Variants in MX2 observed in about 807,000 individuals in gnomAD.
MX2 encodes interferon-induced GTP-binding protein Mx2.
A neutral mutation model predicts 74.0 loss-of-function variants in MX2; 51 were observed. The observed-to-expected ratio is 0.69, with a 90% CI of 0.55 to 0.87. The LOEUF (loss-of-function observed/expected upper bound fraction) is 0.87, where lower values mean the gene tolerates loss of function less well. MX2 is among the 40% of genes least tolerant of loss of function. The pLI is 0.00. For missense variants in MX2, 832 were observed against 908.7 expected (o/e 0.92, Z 1.09); for synonymous variants, 369 against 339.3 (o/e 1.09, Z -0.96).
intron 10 of MX2, among the ~76,000 whole-genome samples, chr21:41,400,598 TAG>T: frequency 1.3e-5 from 1 of 75,326 alleles, no homozygotes; most frequent in East Asian, 6.7e-4. Context: ...TCCACATGGC[TAG>T]GGAGACCTCA....
At chr21:41,399,660 G>A (rs1309915530) in intron 10 of MX2, 1 of 221,054 alleles carries the variant, frequency 4.5e-6, no homozygotes, top group African/African-American at 2.3e-5. Context: ...CAACCTCCCA[G>A]GCTCAAGTGA....
chr21:41,395,666 C>T lies in MX2; in HGVS notation c.951C>T (p.Pro317=), dbSNP rs1168585102. 1 of 1,614,152 alleles carries T rather than the reference C, an allele frequency of 6.2e-7. No homozygotes were observed. Among genetic ancestry groups the T allele is most frequent in the Admixed American group, 1.7e-5 (1 of 60,022 alleles). ...VMNVVRNLTY[P]LKKGYMIVKC... ...ATGTGGTGCGGAACCTCACGTACCC[C>T]CTCAAGAAGGGCTACATGATTGTGA... The change falls in exon 7 of 14, where the codon CCC becomes CCT. Residue 317 remains proline, a synonymous_variant. Coordinates refer to ENST00000330714, the MANE Select transcript of MX2 (RefSeq NM_002463.2).
At position 41,390,660 on chromosome 21, in the gene MX2, G is replaced by A; in HGVS notation, c.828G>A (p.Leu276=). The A allele has an allele frequency of 6.2e-7, 1 of 1,614,218 alleles. No homozygotes were observed. The highest frequency in any genetic ancestry group is 8.5e-7 in the Non-Finnish European group (1 of 1,180,044). ...TGGACATTGCCACCACGGAGGCGCTGAGCATGGCCCATGAGGTGGACCCGG... is the reference window on the plus strand; with the variant it reads ...TGGACATTGCCACCACGGAGGCGCTAAGCATGGCCCATGAGGTGGACCCGG... ...CNVDIATTEA[L]SMAHEVDPEG... The change falls in exon 6 of 14, where the codon CTG becomes CTA. Residue 276 remains leucine (L), a synonymous_variant. Transcript: ENST00000330714.
intron 5 of MX2, chr21:41,390,229 C>T (rs752102635): frequency 3.5e-5 from 10 of 282,954 alleles, no homozygotes; most frequent in Admixed American, 2.5e-4. Context: ...ATACAACATA[C>T]GCACAAGTCA....
chr21:41,402,093 TGGAGCCC>T lies in MX2; in HGVS notation c.1540_1546del (p.Glu514ProfsTer41). 5 of 1,614,134 alleles carry T rather than the reference TGGAGCCC, an allele frequency of 3.1e-6. No individual in the cohort carries two copies. Among genetic ancestry groups the T allele is most frequent in the Non-Finnish European group, 4.2e-6 (5 of 1,180,016 alleles). On this transcript the variant is annotated frameshift_variant, in exon 11 of 14. Transcript: ENST00000330714. LOFTEE classifies it high-confidence loss of function. This position sits in a 1 kb window ranked among gnomAD's most constrained non-coding sequence, Gnocchi z 4.5. ...GTGCATCAGTACATCCAGCAGCTGG[TGGAGCCC>T]GCCCTTAGCATGCTCCAGAAAGCCA...
Position 41,397,702 on chromosome 21 carries a change from T to C in MX2, c.1149+11T>C, listed in dbSNP as rs1392272275. ...ATCATGCATATCCAAGTGAGCCACG[T>C]GGGTTGGGTGACAAGTCATCAATAC... is the stretch of plus-strand genomic sequence containing the variant. On this transcript the variant is annotated intron_variant, in intron 8 of 13. Coordinates refer to ENST00000330714, the MANE Select transcript of MX2 (RefSeq NM_002463.2). 3 of 1,612,604 alleles carry C rather than the reference T, an allele frequency of 1.9e-6. No homozygotes were observed. Among genetic ancestry groups the C allele is most frequent in the Non-Finnish European group, 2.5e-6 (3 of 1,178,710 alleles).
chr21:41,390,612 C>T lies in MX2; in HGVS notation c.780C>T (p.Asn260=), dbSNP rs773704361. Residue 260 remains asparagine (N), a synonymous_variant, in exon 6 of 14, where the codon AAC becomes AAT. Transcript: ENST00000330714. The part of the protein sequence containing the change: ...KKYIQRQQTI[N]LVVVPCNVDI... ...ACATCCAGAGGCAGCAGACGATCAA[C>T]TTGGTGGTGGTTCCCTGTAACGTGG... 6.2e-7 allele frequency: 1 copy of T among 1,614,194 alleles called. No homozygotes were observed. Among genetic ancestry groups the T allele is most frequent in the African/African-American group, 1.3e-5 (1 of 75,054 alleles).
intron 1 of MX2, among the ~76,000 whole-genome samples, chr21:41,372,674 T>C (rs1309691315): frequency 2.6e-5 from 4 of 152,238 alleles, no homozygotes; most frequent in African/African-American, 9.6e-5. Flanking sequence ...TCATTTTTGA[T>C]GTGAACAATC....
Position 41,408,261 on chromosome 21 carries a change from T to C in MX2, c.*28T>C. ...GGCGGCGATGCCTGTGGTTGTTTTCTTGTGCGTACTCATTCATTCTAAGGG... is the reference window on the plus strand; with the variant it reads ...GGCGGCGATGCCTGTGGTTGTTTTCCTGTGCGTACTCATTCATTCTAAGGG... On this transcript the variant is annotated 3_prime_UTR_variant, in exon 14 of 14. Transcript: ENST00000330714. 6.2e-7 allele frequency: 1 copy of C among 1,610,632 alleles called. No individual in the cohort carries two copies. The highest frequency in any genetic ancestry group is 8.5e-7 in the Non-Finnish European group (1 of 1,177,872).
intron 1 of MX2, among the ~76,000 whole-genome samples, chr21:41,374,769 C>T (rs2089377510): frequency 6.6e-6 from 1 of 152,178 alleles, no homozygotes; most frequent in Admixed American, 6.5e-5. Flanking sequence ...TGGCCTGGCC[C>T]AACTGTCCCA....
chr21:41,374,100 G>A (rs368821851), intron 1 of MX2: 6 of 152,504 alleles, frequency 3.9e-5, no homozygotes, highest in African/African-American at 1.4e-4. Flanking sequence ...CCAGCACTCA[G>A]TCTTTGAGCC....
Position 41,380,541 on chromosome 21 carries a change from C to T in MX2, c.577+390C>T, listed in dbSNP as rs535079894. 2.6e-5 allele frequency among the ~76,000 whole-genome samples: 4 copies of T among 152,342 alleles called. No individual in the cohort carries two copies. The highest frequency in any genetic ancestry group is 1.9e-4 in the East Asian group (1 of 5,176). ...CGATCTTTGGATCTCAGGTCACCTGCGCCCCCTTTGGAAATGCTGCTGCAG... is the reference window on the plus strand; with the variant it reads ...CGATCTTTGGATCTCAGGTCACCTGTGCCCCCTTTGGAAATGCTGCTGCAG... On this transcript the variant is annotated intron_variant, in intron 4 of 13. Transcript: ENST00000330714. The surrounding 1 kb of genome is among the most constrained non-coding windows in gnomAD (Gnocchi z 4.3).
intron 3 of MX2, among the ~76,000 whole-genome samples, chr21:41,379,304 T>C (rs939412580): frequency 2.6e-5 from 4 of 152,088 alleles, no homozygotes; most frequent in Admixed American, 2.0e-4. Flanking sequence ...TACCTCCCTA[T>C]AGGGCACGGG....
At chr21:41,403,386 C>T in intron 12 of MX2, 43 bp downstream of exon 12, 1 of 1,466,974 alleles carries the variant, frequency 6.8e-7, no homozygotes, top group East Asian at 2.3e-5. Flanking sequence ...GGACCACTGG[C>T]TGTTTAACCT....
At chr21:41,403,537 G>A (rs988723999) in intron 12 of MX2, 194 bp downstream of exon 12, 3 of 752,824 alleles carry the variant, frequency 4.0e-6, no homozygotes, top group Non-Finnish European at 5.0e-6. Flanking sequence ...CTGCTCAGGA[G>A]GCGGCTTCAC....
In MX2 at chr21:41,382,507, C is replaced by T. The variant is rs1156818497; in HGVS notation, c.675C>T (p.Asp225=). 17 of 1,614,230 alleles carry T rather than the reference C, an allele frequency of 1.1e-5. No individual in the cohort carries two copies. Among genetic ancestry groups the T allele is most frequent in the Middle Eastern group, 1.6e-4 (1 of 6,062 alleles). ...AGGTTCCAGACCTGACCATCATTGA[C>T]CTTCCCGGCATCACCAGGGTGGCTG... The part of the protein sequence containing the change: ...SPEVPDLTII[D]LPGITRVAVD... Residue 225 remains aspartate (D), a synonymous_variant, in exon 5 of 14, where the codon GAC becomes GAT. Transcript: ENST00000330714.
In MX2 at chr21:41,380,542, G is replaced by A. The variant is rs748202016; in HGVS notation, c.577+391G>A. On this transcript the variant is annotated intron_variant, in intron 4 of 13. Coordinates refer to ENST00000330714, the MANE Select transcript of MX2 (RefSeq NM_002463.2). This position sits in a 1 kb window ranked among gnomAD's most constrained non-coding sequence, Gnocchi z 4.3. ...GATCTTTGGATCTCAGGTCACCTGC[G>A]CCCCCTTTGGAAATGCTGCTGCAGG... 6.6e-5 allele frequency among the ~76,000 whole-genome samples: 10 copies of A among 151,966 alleles called. No individual in the cohort carries two copies. Among genetic ancestry groups the A allele is most frequent in the Admixed American group, 1.3e-4 (2 of 15,254 alleles).
intron 5 of MX2, among the ~76,000 whole-genome samples, chr21:41,384,618 G>T (rs2089544365): frequency 6.6e-6 from 1 of 152,190 alleles, no homozygotes; most frequent in Admixed American, 6.5e-5. Flanking sequence ...ACGTTGTACA[G>T]TGTGCTCAGT....
chr21:41,369,926 G>T (rs1311338896), intron 1 of MX2, among the ~76,000 whole-genome samples: 1 of 149,526 alleles, frequency 6.7e-6, no homozygotes, highest in East Asian at 2.1e-4. Flanking sequence ...GGAAGCCCGC[G>T]TCCCCCTCAG....
Sources: gnomAD v4.1 joint callset for allele counts (sites outside exome capture counted in the v4.1 genomes callset) on GRCh38, gnomAD v4.1.1 for gene constraint, Gnocchi (gnomAD v3.1) non-coding constraint, MANE v1.5 for transcripts, NCBI Gene and HGNC (gene_info 2026-07-23, HGNC 2026-07-21) for gene names.